Variants in GLYATL2 observed in about 807,000 individuals in gnomAD.
GLYATL2 encodes the protein glycine-N-acyltransferase like 2.
In GLYATL2, 25 loss-of-function variants were observed where a neutral mutation model predicts 21.4. The observed-to-expected ratio is 1.17, with a 90% CI of 0.85 to 1.63. The LOEUF (loss-of-function observed/expected upper bound fraction) is 1.63, where lower values mean the gene tolerates loss of function less well. GLYATL2 is among the 40% of genes most tolerant of loss of function. The pLI is 0.00. For synonymous variants in GLYATL2, 114 were observed against 118.2 expected, an observed-to-expected ratio of 0.96 and a Z score of 0.23; for missense variants, 361 against 343.3, an observed-to-expected ratio of 1.05 and a Z score of -0.41.
At chr11:58,858,732 C>T (rs1212884464) in intron 1 of GLYATL2, among the ~76,000 whole-genome samples, 1 of 152,150 alleles carries the variant, frequency 6.6e-6, no homozygotes, top group African/African-American at 2.4e-5. Flanking sequence ...ATTTATTGTT[C>T]TTGGTTGTTT....
chr11:58,890,028 G>A (rs1447639816), intron 1 of GLYATL2, among the ~76,000 whole-genome samples: 1 of 152,046 alleles, frequency 6.6e-6, no homozygotes, highest in African/African-American at 2.4e-5. Flanking sequence ...GATGAGTCTT[G>A]GAGTACGGAC....
the GLYATL2 span, among the ~76,000 whole-genome samples, chr11:58,909,264 C>A: frequency 7.5e-3 from 1,135 of 152,224 alleles, 10 homozygotes; most frequent in Middle Eastern, 0.054. Flanking sequence ...AGGTATTAGT[C>A]AAGGGGTACA....
chr11:58,904,570 T>C (rs1854813077), upstream of GLYATL2, among the ~76,000 whole-genome samples: 1 of 152,234 alleles, frequency 6.6e-6, no homozygotes, highest in Admixed American at 6.5e-5. Flanking sequence ...AATGATTTAC[T>C]CTCCGATGCA....
In GLYATL2 at chr11:58,876,765, G is replaced by A. The variant is rs180790521; in HGVS notation, n.60+27391C>T. ...GCCCACTTGAGGAGGCAGTCTGCCC[G>A]TTCTCAGATCTCAAGCTGCATGCTG... is the stretch of plus-strand genomic sequence containing the variant. On this transcript the variant is annotated intron_variant and non_coding_transcript_variant, in intron 1 of 4. Coordinates refer to the GLYATL2 transcript ENST00000533636. Among the ~76,000 whole-genome samples the A allele has an allele frequency of 1.3e-3, 199 of 152,324 alleles. 1 individual carries two copies. The highest frequency in any genetic ancestry group is 2.3e-3 in the Non-Finnish European group (157 of 68,030).
chr11:58,848,005 T>C (rs1167993501), upstream of GLYATL2, among the ~76,000 whole-genome samples: 6 of 136,456 alleles, frequency 4.4e-5, no homozygotes, highest in Non-Finnish European at 8.3e-5. Flanking sequence ...GGCTTTTTTT[T>C]TTTTTTTTTT....
chr11:58,857,079 G>C (rs1304278490), intron 1 of GLYATL2, among the ~76,000 whole-genome samples: 1 of 152,132 alleles, frequency 6.6e-6, no homozygotes, highest in Admixed American at 6.5e-5. Context: ...TCTATTTTTA[G>C]CTTTTTGAGG....
intron 1 of GLYATL2, among the ~76,000 whole-genome samples, chr11:58,898,557 G>C (rs866749154): frequency 6.6e-6 from 1 of 151,326 alleles, no homozygotes; most frequent in African/African-American, 2.4e-5. Flanking sequence ...TCTCTAGGCC[G>C]GGTGCAGTGA....
chr11:58,893,657 A>AG (rs1220722175), intron 1 of GLYATL2, among the ~76,000 whole-genome samples: 1 of 152,164 alleles, frequency 6.6e-6, no homozygotes, highest in African/African-American at 2.4e-5. Context: ...GGTGGGAAGC[A>AG]GGGGATATAG....
chr11:58,908,429 C>T (rs778534292), upstream of GLYATL2: 1 of 167,016 alleles, frequency 6.0e-6, no homozygotes, highest in Non-Finnish European at 1.3e-5. Flanking sequence ...CCATTTTTTC[C>T]ACTAGTAGAA....
intron 1 of GLYATL2, among the ~76,000 whole-genome samples, chr11:58,900,826 A>C (rs1437772396): frequency 2.0e-5 from 3 of 152,162 alleles, no homozygotes; most frequent in African/African-American, 7.2e-5. Context: ...GCTTTCATGG[A>C]AGCTACCATT....
At chr11:58,902,226 GA>G (rs150102664) in intron 1 of GLYATL2, among the ~76,000 whole-genome samples, 1,687 of 152,122 alleles carry the variant, frequency 0.011, 38 homozygotes, top group African/African-American at 0.039. Flanking sequence ...AGGAGGACAG[GA>G]AAAAAACCAT....
At chr11:58,858,111 C>T (rs1853864233) in intron 1 of GLYATL2, among the ~76,000 whole-genome samples, 1 of 152,064 alleles carries the variant, frequency 6.6e-6, no homozygotes, top group African/African-American at 2.4e-5. Flanking sequence ...ATGTAGCGTG[C>T]GTTTGAGTAG....
At chr11:58,849,881 C>T (rs1223627079) in intron 1 of GLYATL2, among the ~76,000 whole-genome samples, 1 of 152,000 alleles carries the variant, frequency 6.6e-6, no homozygotes, top group East Asian at 1.9e-4. Context: ...CTCGCTTATA[C>T]CTATGGAACA....
chr11:58,894,468 A>C (rs1854600350), intron 1 of GLYATL2, among the ~76,000 whole-genome samples: 1 of 77,982 alleles, frequency 1.3e-5, no homozygotes, highest in Non-Finnish European at 3.1e-5. Flanking sequence ...TGAACATTGC[A>C]GCTATAGCAA....
At position 58,837,224 on chromosome 11, in the gene GLYATL2, G is replaced by A. The variant is rs746747694; in HGVS notation, c.313+47C>T. The stretch of plus-strand genomic sequence containing the variant: ...GTACCACTTTATGCCTTCCATATCG[G>A]CTAGGAATAAACCATGGATCTTTTT... On this transcript the variant is annotated intron_variant, in intron 4 of 5. Transcript: ENST00000287275. 13 of 1,612,626 alleles carry A rather than the reference G, an allele frequency of 8.1e-6. No homozygotes were observed. The Admixed American group carries it at 1.7e-4, about 21-fold the overall frequency.
At chr11:58,902,663 G>C (rs974712848) in intron 1 of GLYATL2, among the ~76,000 whole-genome samples, 2 of 152,174 alleles carry the variant, frequency 1.3e-5, no homozygotes, top group East Asian at 3.8e-4. Flanking sequence ...CCATGTGAGG[G>C]CTTTTCTTCT....
chr11:58,895,416 C>T (rs1590753942), intron 1 of GLYATL2, among the ~76,000 whole-genome samples: 1 of 152,134 alleles, frequency 6.6e-6, no homozygotes, highest in African/African-American at 2.4e-5. Flanking sequence ...GACTGAGTGG[C>T]TTACACAACA....
chr11:58,880,400 A>G (rs1854312175), intron 1 of GLYATL2, among the ~76,000 whole-genome samples: 1 of 152,152 alleles, frequency 6.6e-6, no homozygotes, highest in Non-Finnish European at 1.5e-5. Flanking sequence ...TTGGACAAAG[A>G]TGTGGCAGCT....
chr11:58,855,526 T>A (rs999237238), intron 1 of GLYATL2, among the ~76,000 whole-genome samples: 6 of 152,226 alleles, frequency 3.9e-5, no homozygotes, highest in African/African-American at 1.4e-4. Context: ...TTTAGCATAA[T>A]TCTTAAGGAC....
Sources: allele counts gnomAD v4.1 joint callset (sites outside exome capture counted in the v4.1 genomes callset), GRCh38; gene constraint gnomAD v4.1.1; transcripts MANE v1.5; gene names NCBI Gene and HGNC (gene_info 2026-07-23, HGNC 2026-07-21).